The following RAD51B variants were observed in gnomAD, a reference collection of about 807,000 sequenced individuals.
RAD51B encodes DNA repair protein RAD51 homolog 2.
Under a neutral mutation model 42.2 loss-of-function variants are expected in RAD51B, and 38 were observed. The observed-to-expected ratio is 0.90, with a 90% CI of 0.70 to 1.18. The LOEUF (loss-of-function observed/expected upper bound fraction) is 1.18, where lower values mean the gene tolerates loss of function less well. Among genes scored for constraint, RAD51B ranks in the 50% most tolerant of loss-of-function variants. The probability of loss-of-function intolerance (pLI) is 0.00; values close to 1 mark genes in which losing one functional copy is unlikely to be tolerated. For synonymous variants in RAD51B, 154 were observed against 145.2 expected (o/e 1.06, Z -0.43); for missense variants, 373 against 400.7 (o/e 0.93, Z 0.59).
chr14:68,130,087 C>T (rs186415208), intron 7 of RAD51B: 1 of 152,222 alleles, frequency 6.6e-6, no homozygotes, highest in Non-Finnish European at 1.5e-5. Context: ...AGTCCTCTTC[C>T]AAGATCATTC....
intron 11 of RAD51B, among the ~76,000 whole-genome samples, chr14:68,677,729 G>A (rs755599385): frequency 6.6e-6 from 1 of 152,194 alleles, no homozygotes; most frequent in South Asian, 2.1e-4. Context: ...AGGCATTGGC[G>A]TCATTCCAGT....
At chr14:67,969,076 A>T (rs2074844346) in intron 7 of RAD51B, among the ~76,000 whole-genome samples, 1 of 152,328 alleles carries the variant, frequency 6.6e-6, no homozygotes, top group African/African-American at 2.4e-5. Flanking sequence ...AGATCTCATG[A>T]GACTTATTCA....
intron 7 of RAD51B, among the ~76,000 whole-genome samples, chr14:67,967,762 CTG>C (rs1433311507): frequency 2.0e-5 from 3 of 152,152 alleles, no homozygotes; most frequent in Non-Finnish European, 2.9e-5. Context: ...TGTTGAGTGT[CTG>C]TGGCTTTTCA....
intron 8 of RAD51B, among the ~76,000 whole-genome samples, chr14:68,349,513 C>T (rs565067229): frequency 8.5e-5 from 13 of 152,218 alleles, no homozygotes; most frequent in African/African-American, 1.9e-4. Flanking sequence ...ATTGCAGGTT[C>T]GTGCCCGACG....
intron 9 of RAD51B, among the ~76,000 whole-genome samples, chr14:68,412,293 C>G (rs1945115546): frequency 6.6e-6 from 1 of 152,224 alleles, no homozygotes; most frequent in Admixed American, 6.5e-5. Flanking sequence ...AATCTAGTTT[C>G]TCCTAAAAGC....
chr14:68,231,227 C>T (rs1057075862), intron 7 of RAD51B, among the ~76,000 whole-genome samples: 1 of 152,142 alleles, frequency 6.6e-6, no homozygotes, highest in East Asian at 1.9e-4. Flanking sequence ...TGCTTTCTTT[C>T]TCAAGTGGAT....
intron 7 of RAD51B, among the ~76,000 whole-genome samples, chr14:67,923,298 C>CTTTTTTTTTTTT (rs34809964): frequency 6.1e-4 from 76 of 123,600 alleles, no homozygotes; most frequent in Non-Finnish European, 8.0e-4. Context: ...TTTTCTTTTT[C>CTTTTTTTTTTTT]TTTTTTTTTT....
chr14:68,494,513 C>T (rs144137894), intron 10 of RAD51B, among the ~76,000 whole-genome samples: 132 of 152,260 alleles, frequency 8.7e-4, no homozygotes, highest in Non-Finnish European at 1.6e-3. Flanking sequence ...CTCTGAAAGA[C>T]GGTGAACTGG....
intron 7 of RAD51B, among the ~76,000 whole-genome samples, chr14:68,180,033 C>G (rs989447773): frequency 2.0e-5 from 3 of 152,096 alleles, no homozygotes; most frequent in Non-Finnish European, 4.4e-5. Context: ...CTTTATTCCC[C>G]CCTTGCATTC....
chr14:68,112,634 G>A (rs1232670436), intron 7 of RAD51B, among the ~76,000 whole-genome samples: 1 of 152,198 alleles, frequency 6.6e-6, no homozygotes, highest in Middle Eastern at 3.4e-3. Context: ...TGCAGACATA[G>A]GAAATCAAAG....
chr14:68,662,936 G>A (rs1345582736), intron 11 of RAD51B, among the ~76,000 whole-genome samples: 2 of 152,184 alleles, frequency 1.3e-5, no homozygotes, highest in Admixed American at 6.5e-5. Flanking sequence ...CTGACCTTGT[G>A]GACCGCATTA....
intron 7 of RAD51B, among the ~76,000 whole-genome samples, chr14:68,072,072 T>C (rs1392767617): frequency 8.1e-6 from 1 of 123,382 alleles, no homozygotes; most frequent in Non-Finnish European, 1.7e-5. Context: ...TTTATATAAA[T>C]ATATAAATAT....
chr14:68,101,231 G>A lies in RAD51B; in HGVS notation c.757-190653G>A, dbSNP rs374971771. Among the ~76,000 whole-genome samples, 48 of 152,200 alleles carry A rather than the reference G, an allele frequency of 3.2e-4. No individual in the cohort carries two copies. In the East Asian group the frequency reaches 3.9e-3, roughly 12 times the overall value. ...TCAAGGTAAGATTTGGGTGGGGCAC[G>A]GCCAAAACTTTATCATTCCACCCCT... On this transcript the variant is annotated intron_variant, in intron 7 of 10. Coordinates refer to ENST00000471583, the MANE Select transcript of RAD51B (RefSeq NM_133510.4).
At chr14:67,835,869 TG>T (rs1050239482) in intron 4 of RAD51B, among the ~76,000 whole-genome samples, 8 of 151,636 alleles carry the variant, frequency 5.3e-5, no homozygotes, top group African/African-American at 1.9e-4. Context: ...AAAAAGAAAG[TG>T]GTAAATATTA....
At chr14:67,968,421 T>C (rs2074829815) in intron 7 of RAD51B, among the ~76,000 whole-genome samples, 2 of 152,202 alleles carry the variant, frequency 1.3e-5, no homozygotes, top group African/African-American at 4.8e-5. Flanking sequence ...TTTCTAAGTT[T>C]TATGCTCTGT....
chr14:68,531,501 TAGAG>T (rs1887303553), intron 10 of RAD51B, among the ~76,000 whole-genome samples: 1 of 152,094 alleles, frequency 6.6e-6, no homozygotes, highest in African/African-American at 2.4e-5. Flanking sequence ...TTAATAGGGA[TAGAG>T]AGATATATAA....
intron 10 of RAD51B, among the ~76,000 whole-genome samples, chr14:68,630,131 C>G (rs1001664449): frequency 1.3e-5 from 2 of 151,944 alleles, no homozygotes; most frequent in African/African-American, 4.8e-5. Flanking sequence ...GAGAGGGAGT[C>G]TCTTCTCAGT....
chr14:68,548,053 C>G (rs1368231836), intron 10 of RAD51B, among the ~76,000 whole-genome samples: 1 of 152,192 alleles, frequency 6.6e-6, no homozygotes, highest in Non-Finnish European at 1.5e-5. Flanking sequence ...GTGGGTTCCT[C>G]CTGGAGAGTT....
chr14:68,128,940 C>T (rs1327222214), intron 7 of RAD51B, among the ~76,000 whole-genome samples: 4 of 152,080 alleles, frequency 2.6e-5, no homozygotes, highest in Non-Finnish European at 5.9e-5. Context: ...TTTTTCTCTT[C>T]TTAGGAGACA....
Sources: allele counts gnomAD v4.1 joint callset (sites outside exome capture counted in the v4.1 genomes callset), GRCh38; gene constraint gnomAD v4.1.1; transcripts MANE v1.5; gene names NCBI Gene and HGNC (gene_info 2026-07-23, HGNC 2026-07-21).